UNC5C: variants seen among roughly 807,000 people sequenced by gnomAD.
UNC5C encodes the protein unc-5 netrin receptor C, also known as netrin receptor UNC5C.
Under a neutral mutation model 99.8 loss-of-function variants are expected in UNC5C, and 47 were observed. The observed-to-expected ratio is 0.47, with a 90% CI of 0.37 to 0.60. The LOEUF (loss-of-function observed/expected upper bound fraction) is 0.60. Ranked by LOEUF, UNC5C falls within the 20% of genes least tolerant of loss-of-function variation. UNC5C has a pLI of 0.00. For synonymous variants in UNC5C, 487 were observed against 452.2 expected (o/e 1.08, Z -0.98); for missense variants, 1,062 against 1,165.9 (o/e 0.91, Z 1.30).
intron 1 of UNC5C, among the ~76,000 whole-genome samples, chr4:95,413,841 G>A (rs537948848): frequency 1.3e-5 from 2 of 152,282 alleles, no homozygotes; most frequent in East Asian, 1.9e-4. Context: ...TGCACACCCT[G>A]CAAATGTACA....
intron 1 of UNC5C, among the ~76,000 whole-genome samples, chr4:95,447,026 C>T (rs1382772471): frequency 6.6e-6 from 1 of 152,078 alleles, no homozygotes; most frequent in Non-Finnish European, 1.5e-5. Flanking sequence ...TGACTGCATA[C>T]AAAAATTATT....
At chr4:95,431,275 A>T (rs1326455728) in intron 1 of UNC5C, among the ~76,000 whole-genome samples, 2 of 152,100 alleles carry the variant, frequency 1.3e-5, no homozygotes, top group African/African-American at 2.4e-5. Context: ...AGCAGAGTTC[A>T]AAAATGTGTC....
intron 1 of UNC5C, among the ~76,000 whole-genome samples, chr4:95,398,044 C>CT (rs34609153): frequency 0.28 from 26,774 of 95,744 alleles, 4,132 homozygotes; most frequent in Admixed American, 0.34. Context: ...CCAAATGTAG[C>CT]TTTTTTTTTT....
chr4:95,292,369 A>C (rs1177665891), intron 3 of UNC5C, among the ~76,000 whole-genome samples: 1 of 151,336 alleles, frequency 6.6e-6, no homozygotes, highest in Non-Finnish European at 1.5e-5. Flanking sequence ...TCCCAGGTTC[A>C]CGCCATTCTC....
chr4:95,493,587 C>A (rs1721560497), intron 1 of UNC5C, among the ~76,000 whole-genome samples: 1 of 151,220 alleles, frequency 6.6e-6, no homozygotes, highest in Admixed American at 6.6e-5. Context: ...CTACAAAACA[C>A]ACACTAAGTT....
At chr4:95,388,194 A>G (rs1163283222) in intron 1 of UNC5C, among the ~76,000 whole-genome samples, 1 of 152,214 alleles carries the variant, frequency 6.6e-6, no homozygotes, top group Non-Finnish European at 1.5e-5. Context: ...AAAAAAGTAC[A>G]GTAATTTACC....
rs145274982 is a variant in UNC5C at position 95,531,014 on chromosome 4, G to A, written c.124+17720C>T. ...ATCATAAATAAACCTTTTAATAACC[G>A]GAAAGTCTAATGTTGTTAAATCATC... On this transcript the variant is annotated intron_variant, in intron 1 of 15. Transcript: ENST00000453304. Among the ~76,000 whole-genome samples, 1,057 of 152,114 alleles carry A rather than the reference G, an allele frequency of 6.9e-3. 11 individuals are homozygous for A. The highest frequency in any genetic ancestry group is 0.024 in the African/African-American group (982 of 41,490).
chr4:95,213,959 G>C (rs1441932844), intron 10 of UNC5C, among the ~76,000 whole-genome samples: 2 of 152,170 alleles, frequency 1.3e-5, no homozygotes, highest in African/African-American at 4.8e-5. Flanking sequence ...AAAAGCCTGA[G>C]TCTGAATTCT....
intron 1 of UNC5C, among the ~76,000 whole-genome samples, chr4:95,343,833 G>A (rs1296119684): frequency 1.3e-5 from 2 of 152,058 alleles, no homozygotes; most frequent in African/African-American, 4.8e-5. Context: ...CAGAATTAAT[G>A]AAGCAGAAGA....
intron 14 of UNC5C, among the ~76,000 whole-genome samples, chr4:95,172,270 T>G (rs1736151484): frequency 6.6e-6 from 1 of 151,994 alleles, no homozygotes; most frequent in South Asian, 2.1e-4. Flanking sequence ...AATTTTGGCT[T>G]TGGTTGCCAT....
At chr4:95,182,622 G>T (rs187123454) in intron 14 of UNC5C, among the ~76,000 whole-genome samples, 1 of 152,090 alleles carries the variant, frequency 6.6e-6, no homozygotes, top group Admixed American at 6.5e-5. Context: ...TTGAAATTCA[G>T]ATCTGTTTTT....
chr4:95,475,834 C>A (rs915676313), intron 1 of UNC5C, among the ~76,000 whole-genome samples: 9 of 152,044 alleles, frequency 5.9e-5, no homozygotes, highest in Non-Finnish European at 1.2e-4. Flanking sequence ...ATTACCAAAT[C>A]ATTCATTACC....
At chr4:95,457,743 AAGAAAT>A (rs1361626154) in intron 1 of UNC5C, among the ~76,000 whole-genome samples, 1 of 152,126 alleles carries the variant, frequency 6.6e-6, no homozygotes, top group African/African-American at 2.4e-5. Flanking sequence ...GAAATAGAAA[AAGAAAT>A]AGAAAGACTG....
intron 2 of UNC5C, among the ~76,000 whole-genome samples, chr4:95,327,863 TCTTC>T (rs1742947969): frequency 6.6e-6 from 1 of 151,902 alleles, no homozygotes; most frequent in Admixed American, 6.6e-5. Context: ...GTGACCTGAT[TCTTC>T]CTTAATGATG....
chr4:95,477,776 C>T (rs538620488), intron 1 of UNC5C, among the ~76,000 whole-genome samples: 3 of 151,888 alleles, frequency 2.0e-5, no homozygotes, highest in Non-Finnish European at 4.4e-5. Context: ...GACACAGATG[C>T]CTTTAGTTGT....
intron 9 of UNC5C, among the ~76,000 whole-genome samples, chr4:95,216,686 T>C (rs534848628): frequency 2.0e-5 from 3 of 152,368 alleles, no homozygotes; most frequent in Admixed American, 6.5e-5. Flanking sequence ...GAAGACCTTT[T>C]ATTATACATA....
intron 1 of UNC5C, among the ~76,000 whole-genome samples, chr4:95,407,209 A>G (rs1030381202): frequency 6.6e-6 from 1 of 152,240 alleles, no homozygotes; most frequent in African/African-American, 2.4e-5. Flanking sequence ...CTAGAATTTT[A>G]TATGCAGCAC....
At chr4:95,300,666 T>A (rs1189214919) in intron 3 of UNC5C, among the ~76,000 whole-genome samples, 1 of 152,092 alleles carries the variant, frequency 6.6e-6, no homozygotes, top group African/African-American at 2.4e-5. Context: ...AAAATCAAAA[T>A]CTTTGGAAAG....
intron 2 of UNC5C, among the ~76,000 whole-genome samples, chr4:95,327,926 C>T (rs1172488627): frequency 6.6e-6 from 1 of 151,334 alleles, no homozygotes; most frequent in African/African-American, 2.4e-5. Flanking sequence ...AAGGCTGTCA[C>T]ACTGACTCTT....
Sources: allele counts gnomAD v4.1 joint callset (sites outside exome capture counted in the v4.1 genomes callset), GRCh38; gene constraint gnomAD v4.1.1; transcripts MANE v1.5; gene names NCBI Gene and HGNC (gene_info 2026-07-23, HGNC 2026-07-21).